Variants in NAV2 observed in about 807,000 individuals in gnomAD.
NAV2 encodes neuron navigator 2, also known as helicase, APC down-regulated 1.
NAV2 carries 54 observed loss-of-function variants against 223.2 expected under a neutral mutation model. That is an observed-to-expected ratio of 0.24 (90% confidence interval 0.19 to 0.30). The LOEUF is 0.30. Among genes scored for constraint, NAV2 ranks in the 10% least tolerant of loss-of-function variants. The pLI is 1.00. For synonymous variants in NAV2, 1,279 were observed against 1,239.3 expected (o/e 1.03, Z -0.67); for missense variants, 2,806 against 3,147.5 (o/e 0.89, Z 2.60).
At chr11:19,987,158 A>G (rs1388757761) in intron 11 of NAV2, among the ~76,000 whole-genome samples, 2 of 152,248 alleles carry the variant, frequency 1.3e-5, no homozygotes, top group Admixed American at 6.5e-5. Flanking sequence ...GAAGAATATC[A>G]CAGGTGGTAT....
intron 26 of NAV2, among the ~76,000 whole-genome samples, chr11:20,089,418 A>G (rs1480444698): frequency 6.6e-6 from 1 of 152,204 alleles, no homozygotes; most frequent in East Asian, 1.9e-4. Context: ...CAATTTTATA[A>G]ATCATTTTCC....
intron 1 of NAV2, among the ~76,000 whole-genome samples, chr11:19,530,085 C>A (rs963818978): frequency 2.6e-5 from 4 of 152,190 alleles, no homozygotes; most frequent in Admixed American, 6.5e-5. Flanking sequence ...GTCCCCTGAG[C>A]AAGTCACCAT....
intron 11 of NAV2, among the ~76,000 whole-genome samples, chr11:19,988,871 T>C (rs889610124): frequency 6.6e-6 from 1 of 152,196 alleles, no homozygotes; most frequent in Non-Finnish European, 1.5e-5. Flanking sequence ...AAAGCAGGCC[T>C]CCTGGCACCA....
intron 3 of NAV2, among the ~76,000 whole-genome samples, chr11:19,849,110 G>A (rs1375502400): frequency 6.6e-6 from 1 of 152,174 alleles, no homozygotes; most frequent in Non-Finnish European, 1.5e-5. Flanking sequence ...ACAGCCCTAT[G>A]ATAAAGATGC....
chr11:19,534,791 A>G (rs886720288), intron 1 of NAV2, among the ~76,000 whole-genome samples: 10 of 152,204 alleles, frequency 6.6e-5, no homozygotes, highest in Non-Finnish European at 8.8e-5. Context: ...CCTAACCTAT[A>G]GCAAACAGGA....
At chr11:19,639,649 G>A (rs1173638400) in intron 1 of NAV2, among the ~76,000 whole-genome samples, 3 of 152,152 alleles carry the variant, frequency 2.0e-5, no homozygotes, top group Admixed American at 6.5e-5. Context: ...CCCCATTGCC[G>A]ATAGGGCTGT....
At chr11:19,876,973 T>C (rs938865869) in intron 4 of NAV2, among the ~76,000 whole-genome samples, 1 of 148,934 alleles carries the variant, frequency 6.7e-6, no homozygotes, top group Non-Finnish European at 1.5e-5. Flanking sequence ...AAATATTTAT[T>C]TATTTAAATA....
intron 1 of NAV2, among the ~76,000 whole-genome samples, chr11:19,475,445 G>A (rs1230200063): frequency 6.6e-6 from 1 of 152,186 alleles, no homozygotes; most frequent in African/African-American, 2.4e-5. Flanking sequence ...AAAAATGGGA[G>A]GCCAAGTGTT....
intron 1 of NAV2, among the ~76,000 whole-genome samples, chr11:19,664,849 T>A (rs1412237376): frequency 6.6e-6 from 1 of 152,248 alleles, no homozygotes; most frequent in Non-Finnish European, 1.5e-5. Context: ...TGCAATGTGC[T>A]AGACATATTT....
intron 1 of NAV2, among the ~76,000 whole-genome samples, chr11:19,486,907 C>T (rs2042463722): frequency 6.6e-6 from 1 of 152,248 alleles, no homozygotes; most frequent in East Asian, 1.9e-4. Context: ...GTTGAGTCAG[C>T]AAGAAAAGAG....
chr11:19,559,897 C>T (rs545271378), intron 1 of NAV2, among the ~76,000 whole-genome samples: 1 of 152,278 alleles, frequency 6.6e-6, no homozygotes, highest in South Asian at 2.1e-4. Context: ...GAGCCCTTCT[C>T]CCCCTGGGGG....
chr11:20,040,651 C>T (rs1301769036), intron 12 of NAV2, among the ~76,000 whole-genome samples: 1 of 152,198 alleles, frequency 6.6e-6, no homozygotes, highest in Admixed American at 6.5e-5. Flanking sequence ...CTTCTTTCCT[C>T]ACCTTCCCAT....
At chr11:19,679,069 GTA>G (rs2048802526) in intron 1 of NAV2, among the ~76,000 whole-genome samples, 1 of 152,188 alleles carries the variant, frequency 6.6e-6, no homozygotes, top group Non-Finnish European at 1.5e-5. Context: ...TTTTAAAAAT[GTA>G]TATGTCTCCA....
rs541038528 is a variant in NAV2 at position 19,670,490 on chromosome 11, G to A, written c.76-161994G>A. ...TGCTCAGGGAACCCCGCGGAGAGGG[G>A]ACAGTGCATGTTCTTTGGTCACATT... On this transcript the variant is annotated intron_variant, in intron 1 of 37. Transcript: ENST00000360655. Among the ~76,000 whole-genome samples, 3 of 152,232 alleles carry A rather than the reference G, an allele frequency of 2.0e-5. No individual in the cohort carries two copies. In the South Asian group the frequency reaches 6.2e-4, roughly 32 times the overall value.
intron 1 of NAV2, among the ~76,000 whole-genome samples, chr11:19,627,681 G>A (rs1171123847): frequency 6.6e-6 from 1 of 152,034 alleles, no homozygotes; most frequent in Non-Finnish European, 1.5e-5. Flanking sequence ...GCTTCTTAGG[G>A]GACATCTCAG....
chr11:20,076,100 T>G (rs1004536707), intron 22 of NAV2, among the ~76,000 whole-genome samples: 3 of 152,202 alleles, frequency 2.0e-5, no homozygotes, highest in African/African-American at 7.2e-5. Context: ...CTTGTTTCAT[T>G]TAGCTGAAAA....
chr11:19,982,919 G>T (rs12794632), intron 10 of NAV2, among the ~76,000 whole-genome samples: 1 of 152,048 alleles, frequency 6.6e-6, no homozygotes, highest in African/African-American at 2.4e-5. Flanking sequence ...AGTTAAAATG[G>T]CAAGTGCAAT....
chr11:19,972,529 C>G (rs2153430501), intron 10 of NAV2, among the ~76,000 whole-genome samples: 1 of 152,278 alleles, frequency 6.6e-6, no homozygotes, highest in Admixed American at 6.5e-5. Context: ...GAAAATATCA[C>G]CTGGTAGAAA....
At chr11:20,073,445 C>T (rs992041377) in intron 22 of NAV2, among the ~76,000 whole-genome samples, 1 of 152,160 alleles carries the variant, frequency 6.6e-6, no homozygotes, top group African/African-American at 2.4e-5. Context: ...TGATGCTGGC[C>T]TCATAAAATG....
Sources: gnomAD v4.1 joint callset for allele counts (sites outside exome capture counted in the v4.1 genomes callset) on GRCh38, gnomAD v4.1.1 for gene constraint, MANE v1.5 for transcripts, NCBI Gene and HGNC (gene_info 2026-07-23, HGNC 2026-07-21) for gene names.